DPP10: variants seen among roughly 807,000 people sequenced by gnomAD.
The protein encoded by DPP10 is inactive dipeptidyl peptidase 10.
A neutral mutation model predicts 120.9 loss-of-function variants in DPP10; 33 were observed. The ratio of observed to expected loss-of-function variants is 0.27; its 90% CI spans 0.21 to 0.37. The LOEUF is 0.37. Among genes scored for constraint, DPP10 ranks in the 10% least tolerant of loss-of-function variants. DPP10 has a pLI of 1.00. For missense variants in DPP10, 816 were observed against 942.8 expected (o/e 0.87, Z 1.76); for synonymous variants, 337 against 326.1 (o/e 1.03, Z -0.36).
chr2:114,682,562 G>A (rs931753770), intron 1 of DPP10, among the ~76,000 whole-genome samples: 5 of 147,288 alleles, frequency 3.4e-5, no homozygotes, highest in African/African-American at 1.0e-4. Flanking sequence ...AATTGCAATC[G>A]ATGGGTAATT....
chr2:115,313,535 A>G (rs2061668094), intron 2 of DPP10, among the ~76,000 whole-genome samples: 1 of 152,220 alleles, frequency 6.6e-6, no homozygotes, highest in Admixed American at 6.5e-5. Context: ...TGAAGATGAA[A>G]GCATACAAAA....
At chr2:115,069,079 G>A (rs1021165997) in intron 1 of DPP10, among the ~76,000 whole-genome samples, 1 of 151,964 alleles carries the variant, frequency 6.6e-6, no homozygotes, top group Non-Finnish European at 1.5e-5. Flanking sequence ...GATTTCTTTT[G>A]TATTTCTGTA....
intron 1 of DPP10, among the ~76,000 whole-genome samples, chr2:114,808,690 G>A (rs1684943684): frequency 6.6e-6 from 1 of 151,910 alleles, no homozygotes; most frequent in South Asian, 2.1e-4. Flanking sequence ...CCATAAGGCT[G>A]CAGCCTCATG....
In DPP10 at chr2:114,686,820, G is replaced by A. The variant is rs141002859; in HGVS notation, c.60+243982G>A. The stretch of plus-strand genomic sequence containing the variant: ...TCCCATACAAAAAATTACAAGAGTC[G>A]TTCTATTTAACATAATTCAAGTATC... On this transcript the variant is annotated intron_variant, in intron 1 of 25. Transcript: ENST00000410059. 8.2e-4 allele frequency among the ~76,000 whole-genome samples: 125 copies of A among 151,954 alleles called. 1 individual carries two copies. The highest frequency in any genetic ancestry group is 2.6e-3 in the African/African-American group (109 of 41,498).
intron 8 of DPP10, among the ~76,000 whole-genome samples, chr2:115,731,839 C>T (rs1298151467): frequency 1.3e-5 from 2 of 152,158 alleles, no homozygotes; most frequent in African/African-American, 2.4e-5. Flanking sequence ...CCCATGACTT[C>T]AATGTTAAGG....
At chr2:115,560,584 T>A (rs1056230992) in intron 5 of DPP10, among the ~76,000 whole-genome samples, 1 of 146,364 alleles carries the variant, frequency 6.8e-6, no homozygotes, top group Non-Finnish European at 1.5e-5. Flanking sequence ...ACCTCCCACC[T>A]AGGTAGTTTG....
chr2:115,032,206 A>G (rs13000312), intron 1 of DPP10, among the ~76,000 whole-genome samples: 37,810 of 142,286 alleles, frequency 0.27, 5,441 homozygotes, highest in East Asian at 0.36. Context: ...TTTTTTTCTT[A>G]CCAAAATGCC....
At chr2:115,649,983 A>G (rs1056939847) in intron 5 of DPP10, among the ~76,000 whole-genome samples, 1 of 152,066 alleles carries the variant, frequency 6.6e-6, no homozygotes, top group African/African-American at 2.4e-5. Flanking sequence ...AGTGTGCCAA[A>G]TGTGCCAATT....
chr2:115,415,779 T>C (rs1213101834), intron 3 of DPP10, among the ~76,000 whole-genome samples: 2 of 148,214 alleles, frequency 1.3e-5, no homozygotes, highest in African/African-American at 4.9e-5. Flanking sequence ...TTCTTGGCTT[T>C]ATATCAGTGG....
At chr2:115,130,080 C>A (rs897764179) in intron 1 of DPP10, among the ~76,000 whole-genome samples, 1 of 152,112 alleles carries the variant, frequency 6.6e-6, no homozygotes, top group Middle Eastern at 3.2e-3. Flanking sequence ...TAATCAAAAC[C>A]CTCCTATCCA....
At chr2:115,652,409 A>ATGTGTATGTGTGTGTG (rs1181566449) in intron 5 of DPP10, among the ~76,000 whole-genome samples, 1,867 of 145,550 alleles carry the variant, frequency 0.013, 32 homozygotes, top group African/African-American at 0.047. Context: ...TAGGATATAT[A>ATGTGTATGTGTGTGTG]TGTGTGTGTG....
intron 1 of DPP10, among the ~76,000 whole-genome samples, chr2:114,858,847 T>C (rs951855567): frequency 6.6e-6 from 1 of 152,196 alleles, no homozygotes; most frequent in African/African-American, 2.4e-5. Context: ...TTTGGAATCC[T>C]GCGCAAGAGA....
intron 1 of DPP10, among the ~76,000 whole-genome samples, chr2:115,007,034 C>A (rs1035950638): frequency 6.6e-6 from 1 of 151,950 alleles, no homozygotes; most frequent in Non-Finnish European, 1.5e-5. Context: ...GACCACAGTG[C>A]AATCCAACTA....
chr2:114,959,535 T>A (rs1181677390), intron 1 of DPP10, among the ~76,000 whole-genome samples: 2 of 152,200 alleles, frequency 1.3e-5, no homozygotes, highest in Non-Finnish European at 2.9e-5. Context: ...ACTGTAAACA[T>A]TTATGTATAA....
At position 114,556,249 on chromosome 2, in the gene DPP10, A is replaced by ATC. The variant is rs1186904439; in HGVS notation, c.60+113412_60+113413insCT. ...ATAGATGATACATATATATATATATATATATATATATATATATATAGGCAA... is the reference window on the plus strand; with the variant it reads ...ATAGATGATACATATATATATATATATCTATATATATATATATATATAGGCAA... On this transcript the variant is annotated intron_variant, in intron 1 of 25. Coordinates refer to ENST00000410059, the MANE Select transcript of DPP10 (RefSeq NM_020868.6). Among the ~76,000 whole-genome samples, 17 of 125,420 alleles carry ATC rather than the reference A, an allele frequency of 1.4e-4. No individual in the cohort carries two copies. The Middle Eastern group carries it at 0.013, about 97-fold the overall frequency. 82.3% of individuals were successfully genotyped at this position (125,420 alleles called of 152,430 possible). A position where few individuals can be genotyped will look rare whatever the true frequency, so the allele number is the denominator to read the frequency against.
At chr2:115,805,724 G>A (rs570849449) in intron 19 of DPP10, among the ~76,000 whole-genome samples, 55 of 151,900 alleles carry the variant, frequency 3.6e-4, no homozygotes, top group African/African-American at 9.9e-4. Flanking sequence ...ACAGGTGCCC[G>A]TCACCACACC....
At chr2:115,441,431 T>TA (rs2072036332) in intron 3 of DPP10, among the ~76,000 whole-genome samples, 1 of 152,210 alleles carries the variant, frequency 6.6e-6, no homozygotes, top group Admixed American at 6.5e-5. Flanking sequence ...AAGGACTTTT[T>TA]ATGTGACCTA....
chr2:114,712,181 G>A (rs553745838), intron 1 of DPP10, among the ~76,000 whole-genome samples: 4 of 152,088 alleles, frequency 2.6e-5, no homozygotes, highest in East Asian at 1.9e-4. Flanking sequence ...TCAGCTGGGC[G>A]TGATGGTGCA....
At chr2:114,625,660 TA>T (rs1380729044) in intron 1 of DPP10, among the ~76,000 whole-genome samples, 1 of 151,998 alleles carries the variant, frequency 6.6e-6, no homozygotes, top group African/African-American at 2.4e-5. Flanking sequence ...AAGAGCCTTT[TA>T]AAATATCATT....
Sources: gnomAD v4.1 joint callset for allele counts (sites outside exome capture counted in the v4.1 genomes callset) on GRCh38, gnomAD v4.1.1 for gene constraint, MANE v1.5 for transcripts, NCBI Gene and HGNC (gene_info 2026-07-23, HGNC 2026-07-21) for gene names.